The following PFKFB1 variants were observed in gnomAD, a reference collection of about 807,000 sequenced individuals.
PFKFB1 encodes the protein 6-phosphofructo-2-kinase/fructose-2,6-biphosphatase 1.
PFKFB1 carries 34 observed loss-of-function variants against 46.4 expected under a neutral mutation model. The observed-to-expected ratio is 0.73, with a 90% CI of 0.56 to 0.98. The LOEUF (loss-of-function observed/expected upper bound fraction) is 0.98, where lower values mean the gene tolerates loss of function less well. Among genes scored for constraint, PFKFB1 ranks in the 50% least tolerant of loss-of-function variants. PFKFB1 has a pLI of 0.00. For synonymous variants in PFKFB1, 119 were observed against 133.8 expected (o/e 0.89, Z 0.76); for missense variants, 393 against 376.3 (o/e 1.04, Z -0.37).
chrX:54,977,581 C>T (rs1418616321), intron 1 of PFKFB1, among the ~76,000 whole-genome samples: 1 of 111,085 alleles, frequency 9.0e-6, no homozygotes, highest in Non-Finnish European at 1.9e-5. Context: ...TTATTTTTAA[C>T]GTATATATAA....
chrX:54,992,841 G>A (rs780158666), intron 1 of PFKFB1, among the ~76,000 whole-genome samples: 1 of 111,729 alleles, frequency 9.0e-6, no homozygotes, highest in East Asian at 2.8e-4. Flanking sequence ...CTCCAGATGA[G>A]TGAGTGAGAG....
chrX:54,993,944 T>C lies in PFKFB1; in HGVS notation c.64A>G (p.Ser22Gly). The C allele has an allele frequency of 8.3e-7, 1 of 1,208,156 alleles. No individual in the cohort carries two copies. The highest frequency in any genetic ancestry group is 1.8e-5 in the South Asian group (1 of 55,804). The change falls in exon 1 of 14, where the codon AGC becomes GGC. Residue 22 changes from serine to glycine, a missense_variant. Ser to Gly is a moderately conservative substitution (Grantham distance 56, BLOSUM62 0). Coordinates refer to ENST00000375006, the MANE Select transcript of PFKFB1 (RefSeq NM_002625.4). ...RLQKIWIPHS[S>G]GSSRLQRRRG... ...CTCCGTTGCAGCCTGCTGCTGCCGCTGCTGTGTGGAATCCAGATCTTCTGC... is the reference window on the plus strand; with the variant it reads ...CTCCGTTGCAGCCTGCTGCTGCCGCCGCTGTGTGGAATCCAGATCTTCTGC...
In PFKFB1 at chrX:54,933,800, G is replaced by T. The variant is rs778818360; in HGVS notation, c.1356+21C>A. The T allele has an allele frequency of 1.9e-4, 229 of 1,190,269 alleles. 1 individual carries two copies. The South Asian group carries it at 3.9e-3, about 20-fold the overall frequency. ...TGTGCTGTGTCCACAGCCAGCTTGG[G>T]CCATGGAGTCCCCCACCTACCTCAG... On this transcript the variant is annotated intron_variant, in intron 13 of 13. Coordinates refer to ENST00000375006, the MANE Select transcript of PFKFB1 (RefSeq NM_002625.4).
chrX:54,948,982 G>T, intron 9 of PFKFB1, 93 bp downstream of exon 9: 1 of 981,881 alleles, frequency 1.0e-6, no homozygotes, highest in East Asian at 3.1e-5. Context: ...AATTAATTAG[G>T]CTCCCCATAG....
intron 7 of PFKFB1, among the ~76,000 whole-genome samples, chrX:54,954,673 A>G (rs1934083813): frequency 9.0e-6 from 1 of 111,667 alleles, no homozygotes; most frequent in Non-Finnish European, 1.9e-5. Context: ...CTATGTTCCT[A>G]CAGCCCAGTT....
chrX:54,969,358 A>G (rs1450967128), intron 1 of PFKFB1, among the ~76,000 whole-genome samples: 2 of 111,638 alleles, frequency 1.8e-5, no homozygotes, highest in Admixed American at 1.9e-4. Flanking sequence ...GCACGCACAT[A>G]AGCACACTCT....
intron 1 of PFKFB1, among the ~76,000 whole-genome samples, chrX:54,992,175 G>A (rs1602231606): frequency 8.9e-6 from 1 of 111,812 alleles, no homozygotes; most frequent in African/African-American, 3.3e-5. Context: ...GTAGCACAGA[G>A]TGACCATTTA....
intron 1 of PFKFB1, among the ~76,000 whole-genome samples, chrX:54,979,802 T>C (rs1027864940): frequency 1.8e-5 from 2 of 111,728 alleles, no homozygotes; most frequent in Middle Eastern, 4.6e-3. Flanking sequence ...ACCCATAAAA[T>C]AAGGCAAAAG....
chrX:54,993,188 A>G (rs1935289041), intron 1 of PFKFB1, among the ~76,000 whole-genome samples: 1 of 111,090 alleles, frequency 9.0e-6, no homozygotes, highest in African/African-American at 3.3e-5. Flanking sequence ...GAAATGGTAC[A>G]CTCCAGATTT....
chrX:54,975,936 T>G (rs1934827297), intron 1 of PFKFB1, among the ~76,000 whole-genome samples: 1 of 111,357 alleles, frequency 9.0e-6, no homozygotes, highest in East Asian at 2.8e-4. Flanking sequence ...ACCCAAAAAA[T>G]AATTCAAAGT....
chrX:54,990,903 TA>T (rs1935222482), intron 1 of PFKFB1, among the ~76,000 whole-genome samples: 1 of 112,325 alleles, frequency 8.9e-6, no homozygotes, highest in Non-Finnish European at 1.9e-5. Flanking sequence ...ATTCATCTTT[TA>T]AAAATTGTAT....
At chrX:54,985,294 A>C (rs1935087049) in intron 1 of PFKFB1, among the ~76,000 whole-genome samples, 1 of 111,598 alleles carries the variant, frequency 9.0e-6, no homozygotes, top group Non-Finnish European at 1.9e-5. Flanking sequence ...TGGGCAATGC[A>C]TGCTTCAGGA....
At chrX:54,940,328 G>C (rs1302589274) in intron 10 of PFKFB1, among the ~76,000 whole-genome samples, 4 of 111,482 alleles carry the variant, frequency 3.6e-5, no homozygotes, top group African/African-American at 1.3e-4. Flanking sequence ...TTGAAAACTG[G>C]CACAAGACAG....
At position 54,963,461 on chromosome X, in the gene PFKFB1, G is replaced by A. The variant is rs779010709; in HGVS notation, c.98-79C>T. ...GGTATTAGGCCAGAAATGTAGAGTT[G>A]TAAAGAACATGTCTCCCACCATTAC... On this transcript the variant is annotated intron_variant, in intron 1 of 13. Transcript: ENST00000375006. The A allele has an allele frequency of 4.9e-6, 5 of 1,010,853 alleles. No homozygotes were observed. In the East Asian group the frequency reaches 1.2e-4, roughly 25 times the overall value. 83.3% of individuals were successfully genotyped at this position (1,010,853 alleles called of 1,213,427 possible).
intron 8 of PFKFB1, among the ~76,000 whole-genome samples, chrX:54,951,432 G>GAC (rs754024145): frequency 8.9e-6 from 1 of 112,150 alleles, no homozygotes; most frequent in Non-Finnish European, 1.9e-5. Context: ...CTGCCAGTGT[G>GAC]ACACCTGCGT....
intron 1 of PFKFB1, 99 bp from the exon 2 acceptor site, chrX:54,963,481 C>G: frequency 1.1e-6 from 1 of 890,703 alleles, no homozygotes; most frequent in Non-Finnish European, 1.6e-6. Context: ...TGTCTCCCAC[C>G]ATTACAGTAA....
chrX:54,939,674 C>A (rs982223623), intron 10 of PFKFB1, among the ~76,000 whole-genome samples: 2 of 111,387 alleles, frequency 1.8e-5, no homozygotes, highest in African/African-American at 6.5e-5. Context: ...ACACATACAC[C>A]CTCCCAAGAC....
intron 1 of PFKFB1, among the ~76,000 whole-genome samples, chrX:54,992,105 G>A (rs1215755607): frequency 9.0e-6 from 1 of 110,793 alleles, no homozygotes; most frequent in African/African-American, 3.3e-5. Flanking sequence ...AAATATTAAT[G>A]AGTGACTGTC....
At chrX:54,972,933 C>A (rs868561847) in intron 1 of PFKFB1, among the ~76,000 whole-genome samples, 4 of 111,405 alleles carry the variant, frequency 3.6e-5, no homozygotes, top group African/African-American at 1.3e-4. Context: ...CTCCTTGTAC[C>A]TCTGGTAGAA....
Sources: gnomAD v4.1 joint callset for allele counts (sites outside exome capture counted in the v4.1 genomes callset) on GRCh38, gnomAD v4.1.1 for gene constraint, MANE v1.5 for transcripts, NCBI Gene and HGNC (gene_info 2026-07-23, HGNC 2026-07-21) for gene names.